The following ERCC4 variants were observed in gnomAD, a reference collection of about 807,000 sequenced individuals.
ERCC4 encodes ERCC excision repair 4, endonuclease catalytic subunit, also known as DNA repair endonuclease XPF.
Under a neutral mutation model 76.9 loss-of-function variants are expected in ERCC4, and 65 were observed. That is an observed-to-expected ratio of 0.84 (90% CI 0.69 to 1.04). ERCC4 has a LOEUF of 1.04. Ranked by LOEUF, ERCC4 falls within the 50% of genes least tolerant of loss-of-function variation. ERCC4 has a pLI of 0.00. For missense variants in ERCC4, 1,214 were observed against 1,128.2 expected, an observed-to-expected ratio of 1.08 and a Z score of -1.09; for synonymous variants, 463 against 410.1, an observed-to-expected ratio of 1.13 and a Z score of -1.56.
chr16:13,935,282 G>T lies in ERCC4; in HGVS notation c.1350G>T (p.Trp450Cys). ...AGGATAGCAAAGCTGAAGAAGTCTG[G>T]ATGAAATTTAGGAAGGAAGACAGTT... ...FEKDSKAEEV[W>C]MKFRKEDSSK... is the part of the protein sequence containing the mutation. Residue 450 changes from tryptophan to cysteine, a missense_variant, in exon 8 of 11, where the codon TGG (tryptophan) becomes TGT (cysteine). By Grantham distance (215) the Trp-to-Cys change is radical (BLOSUM62 -2). Transcript: ENST00000311895. 1 of 1,614,014 alleles carries T rather than the reference G, an allele frequency of 6.2e-7. No homozygotes were observed. The highest frequency in any genetic ancestry group is 8.5e-7 in the Non-Finnish European group (1 of 1,180,010).
At chr16:13,921,723 G>T (rs970543437) in intron 1 of ERCC4, among the ~76,000 whole-genome samples, 1 of 152,140 alleles carries the variant, frequency 6.6e-6, no homozygotes, top group Non-Finnish European at 1.5e-5. Flanking sequence ...GTATTTTCTA[G>T]GTAGCAGAAA....
At chr16:13,936,913 T>C (rs1393099530) in intron 8 of ERCC4, among the ~76,000 whole-genome samples, 7 of 140,030 alleles carry the variant, frequency 5.0e-5, no homozygotes, top group South Asian at 2.2e-4. Context: ...TTTTTTTTCC[T>C]TTTTTTTTTT....
At position 13,947,792 on chromosome 16, in the gene ERCC4, A is replaced by G. The variant is rs761130884; in HGVS notation, c.2196A>G (p.Leu732=). The G allele has an allele frequency of 6.2e-7, 1 of 1,614,230 alleles. No homozygotes were observed. Among genetic ancestry groups the G allele is most frequent in the Non-Finnish European group, 8.5e-7 (1 of 1,180,048 alleles). The change falls in exon 11 of 11, where the codon TTA becomes TTG. Residue 732 remains leucine, a synonymous_variant. Coordinates refer to ENST00000311895, the MANE Select transcript of ERCC4 (RefSeq NM_005236.3). ...MCVERKSISD[L]IGSLNNGRLY... ...TGGAGCGCAAGAGTATCAGTGATTTAATCGGCTCTTTAAATAACGGCCGCC... is the reference window on the plus strand; with the variant it reads ...TGGAGCGCAAGAGTATCAGTGATTTGATCGGCTCTTTAAATAACGGCCGCC...
chr16:13,947,715 GA>G lies in ERCC4; in HGVS notation c.2121del (p.Glu707AspfsTer3), dbSNP rs1164162337. 6.2e-7 allele frequency: 1 copy of G among 1,614,218 alleles called. No homozygotes were observed. Among genetic ancestry groups the G allele is most frequent in the Non-Finnish European group, 8.5e-7 (1 of 1,180,044 alleles). On this transcript the variant is annotated frameshift_variant, in exon 11 of 11. Coordinates refer to ENST00000311895, the MANE Select transcript of ERCC4 (RefSeq NM_005236.3). LOFTEE classifies it high-confidence loss of function. ...GATCCATCGTCGGGGCATTGACATT[GA>G]ACCCGTGACTTTAGAGGTTGGAGAT... ...SLIHRRGIDI[E>X]PVTLEVGDYI...
chr16:13,935,725 G>A lies in ERCC4; in HGVS notation c.1793G>A (p.Arg598Lys), dbSNP rs777448181. 2.7e-5 allele frequency: 43 copies of A among 1,613,606 alleles called. No individual in the cohort carries two copies. The highest frequency in any genetic ancestry group is 3.6e-5 in the Non-Finnish European group (42 of 1,179,636). ...VRQLEIYRAS[R>K]PGKPLRVYFL... ...CAGCTTGAAATTTACAGGGCGAGTA[G>A]GCCTGGGAAACCTCTGAGGCAAGTT... Residue 598 changes from arginine (R) to lysine (K), a missense_variant, in exon 8 of 11, where the codon AGG (arginine) becomes AAG (lysine). By Grantham distance (26) the Arg-to-Lys change is conservative (BLOSUM62 2). Transcript: ENST00000311895.
chr16:13,935,688 A>AC lies in ERCC4; in HGVS notation c.1758dup (p.Phe587LeufsTer6). 1 of 1,614,190 alleles carries AC rather than the reference A, an allele frequency of 6.2e-7. No homozygotes were observed. Among genetic ancestry groups the AC allele is most frequent in the Non-Finnish European group, 8.5e-7 (1 of 1,180,034 alleles). ...CGTGGTTCTTTATGACGCAGAGCTA[A>AC]CCTTTGTTCGGCAGCTTGAAATTTA... On this transcript the variant is annotated frameshift_variant, in exon 8 of 11. Coordinates refer to ENST00000311895, the MANE Select transcript of ERCC4 (RefSeq NM_005236.3). LOFTEE classifies it high-confidence loss of function.
chr16:13,932,551 CA>C (rs2032193807), intron 6 of ERCC4: 4 of 551,406 alleles, frequency 7.3e-6, no homozygotes, highest in South Asian at 2.5e-5. Flanking sequence ...AAATATTGAT[CA>C]AAAGTATGCT....
intron 8 of ERCC4, among the ~76,000 whole-genome samples, chr16:13,936,274 A>C (rs182474238): frequency 3.7e-4 from 57 of 152,358 alleles, no homozygotes; most frequent in African/African-American, 1.2e-3. Flanking sequence ...CCTCCCAAAG[A>C]AGATAGTGTT....
chr16:13,944,969 A>G, intron 10 of ERCC4, 134 bp downstream of exon 10: 1 of 633,822 alleles, frequency 1.6e-6, no homozygotes, highest in Non-Finnish European at 2.9e-6. Flanking sequence ...GAGGATGTGT[A>G]CTTCCCTACT....
chr16:13,940,844 T>C (rs3136189), intron 9 of ERCC4, among the ~76,000 whole-genome samples: 38,430 of 152,114 alleles, frequency 0.25, 5,081 homozygotes, highest in Middle Eastern at 0.34. Flanking sequence ...GAAGCCTTTC[T>C]TGGAAACATG....
At chr16:13,938,446 T>G (rs181808825) in intron 9 of ERCC4, among the ~76,000 whole-genome samples, 12 of 152,196 alleles carry the variant, frequency 7.9e-5, no homozygotes, top group Admixed American at 5.2e-4. Flanking sequence ...AGGAAAATGG[T>G]GAGATGTTCA....
chr16:13,930,840 A>G lies in ERCC4; in HGVS notation c.923A>G (p.Asn308Ser). 4 of 1,613,698 alleles carry G rather than the reference A, an allele frequency of 2.5e-6. No homozygotes were observed. The highest frequency in any genetic ancestry group is 3.4e-6 in the Non-Finnish European group (4 of 1,179,614). ...CAGTATGATTGTGTCACATTTCTTA[A>G]TCTTCTGGAATCTCTGAGAGCAACG... ...LSQYDCVTFL[N>S]LLESLRATEK... Residue 308 changes from asparagine to serine, a missense_variant, in exon 5 of 11, where the codon AAT (asparagine) becomes AGT (serine). By Grantham distance (46) the Asn-to-Ser change is conservative. Coordinates refer to ENST00000311895, the MANE Select transcript of ERCC4 (RefSeq NM_005236.3).
intron 4 of ERCC4, among the ~76,000 whole-genome samples, chr16:13,929,360 T>G (rs1474427746): frequency 6.6e-6 from 1 of 152,238 alleles, no homozygotes; most frequent in Non-Finnish European, 1.5e-5. Flanking sequence ...AGTATCTACC[T>G]GTTGTCCTGC....
In ERCC4 at chr16:13,930,894, G is replaced by A; in HGVS notation, c.973+4G>A. The A allele has an allele frequency of 6.3e-7, 1 of 1,595,740 alleles. No individual in the cohort carries two copies. Among genetic ancestry groups the A allele is most frequent in the Non-Finnish European group, 8.6e-7 (1 of 1,163,538 alleles). Reference sequence around the variant, plus strand: ...AAAGCTTTTGGTCAGAATTCAGGTGGGAGATTAAAATACTAATAATATTCT... The same window carrying A: ...AAAGCTTTTGGTCAGAATTCAGGTGAGAGATTAAAATACTAATAATATTCT... On this transcript the variant is annotated splice_donor_region_variant and intron_variant, in intron 5 of 10. Coordinates refer to ENST00000311895, the MANE Select transcript of ERCC4 (RefSeq NM_005236.3).
intron 7 of ERCC4, chr16:13,934,589 C>G: frequency 2.6e-6 from 1 of 383,156 alleles, no homozygotes; most frequent in Non-Finnish European, 4.8e-6. Context: ...GTTCTTAGAA[C>G]TTCTATTTAA....
intron 1 of ERCC4, 112 bp downstream of exon 1, chr16:13,920,484 C>T (rs1379212204): frequency 1.0e-6 from 1 of 966,340 alleles, no homozygotes; most frequent in Non-Finnish European, 1.6e-6. Flanking sequence ...ATTCAGGCCC[C>T]TGACACTACG....
chr16:13,920,814 C>T (rs545795305), intron 1 of ERCC4, among the ~76,000 whole-genome samples: 1 of 152,124 alleles, frequency 6.6e-6, no homozygotes, highest in Non-Finnish European at 1.5e-5. Flanking sequence ...ATGCGGGTCC[C>T]TGACACTGTG....
At chr16:13,938,559 G>A (rs1028777542) in intron 9 of ERCC4, among the ~76,000 whole-genome samples, 3 of 152,180 alleles carry the variant, frequency 2.0e-5, no homozygotes, top group African/African-American at 7.2e-5. Context: ...GGGAAGATGG[G>A]CCAGATAATC....
chr16:13,946,391 A>G (rs913024414), intron 10 of ERCC4, among the ~76,000 whole-genome samples: 25 of 152,360 alleles, frequency 1.6e-4, no homozygotes, highest in African/African-American at 5.5e-4. Flanking sequence ...ACAGCATGTT[A>G]CTGTACTGAA....
Sources: allele counts gnomAD v4.1 joint callset (sites outside exome capture counted in the v4.1 genomes callset), GRCh38; gene constraint gnomAD v4.1.1; transcripts MANE v1.5; gene names NCBI Gene and HGNC (gene_info 2026-07-23, HGNC 2026-07-21).